The following ZNF148 variants were observed in gnomAD, a reference collection of about 807,000 sequenced individuals.
The protein encoded by ZNF148 is Beta-Enolase Repressor Factor-1.
In ZNF148, 7 loss-of-function variants were observed where a neutral mutation model predicts 67.7. That is an observed-to-expected ratio of 0.10 (90% confidence interval 0.06 to 0.19). The LOEUF is 0.19. Ranked by LOEUF, ZNF148 falls within the 10% of genes least tolerant of loss-of-function variation. The probability of loss-of-function intolerance (pLI) is 1.00; values close to 1 mark genes in which losing one functional copy is unlikely to be tolerated. For synonymous variants in ZNF148, 333 were observed against 330.7 expected, an observed-to-expected ratio of 1.01 and a Z score of -0.08; for missense variants, 583 against 947.1, an observed-to-expected ratio of 0.62 and a Z score of 5.05.
At chr3:125,242,174 T>A (rs138665343) in intron 7 of ZNF148, among the ~76,000 whole-genome samples, 2 of 152,358 alleles carry the variant, frequency 1.3e-5, no homozygotes, top group East Asian at 1.9e-4. Flanking sequence ...TGTTTGCTAG[T>A]AGAGATTTTC....
intron 7 of ZNF148, among the ~76,000 whole-genome samples, chr3:125,264,121 C>T (rs185029885): frequency 1.3e-5 from 2 of 152,366 alleles, no homozygotes; most frequent in Admixed American, 6.5e-5. Context: ...GTCCTGTGGA[C>T]CCTCTTCATC....
intron 2 of ZNF148, among the ~76,000 whole-genome samples, chr3:125,326,107 A>T (rs7609696): frequency 0.034 from 5,244 of 152,072 alleles, 290 homozygotes; most frequent in African/African-American, 0.12. Flanking sequence ...TATTGAGAAA[A>T]TTTTTTTTGC....
intron 2 of ZNF148, among the ~76,000 whole-genome samples, chr3:125,329,344 ATTTTACATATATAAAATTT>A (rs960671712): frequency 2.4e-4 from 3 of 12,652 alleles, no homozygotes; most frequent in African/African-American, 1.7e-3. Context: ...TATATATAAA[ATTTTACATATATAAAATTT>A]TTTTTTTTTT....
At chr3:125,286,268 AAAG>A (rs1336891167) in intron 5 of ZNF148, among the ~76,000 whole-genome samples, 3 of 152,206 alleles carry the variant, frequency 2.0e-5, no homozygotes, top group Non-Finnish European at 4.4e-5. Context: ...AGAGGGAAGA[AAAG>A]AAGAAGGGAG....
In ZNF148 at chr3:125,256,957, A is replaced by C. The variant is rs976216519; in HGVS notation, c.667+20769T>G. On this transcript the variant is annotated intron_variant, in intron 7 of 8. Coordinates refer to ENST00000360647, the MANE Select transcript of ZNF148 (RefSeq NM_021964.3). The stretch of plus-strand genomic sequence containing the variant: ...TATCAGTTATTATGTTTTCAGTTCC[A>C]GAACTTCCAGTTTTTTTTTTTTTTT... Among the ~76,000 whole-genome samples, 6 of 133,484 alleles carry C rather than the reference A, an allele frequency of 4.5e-5. No homozygotes were observed. The Admixed American group carries it at 4.8e-4, about 11-fold the overall frequency. The allele number at this position is 133,484 out of a possible 152,430, so 87.6% of individuals were successfully genotyped here.
At chr3:125,322,323 T>TG (rs950842788) in intron 3 of ZNF148, among the ~76,000 whole-genome samples, 2 of 151,982 alleles carry the variant, frequency 1.3e-5, no homozygotes, top group Admixed American at 1.3e-4. Flanking sequence ...CATTTTTTTT[T>TG]TTTTAATGAA....
chr3:125,241,943 T>C (rs1345133202), intron 7 of ZNF148, among the ~76,000 whole-genome samples: 2 of 152,210 alleles, frequency 1.3e-5, no homozygotes, highest in Admixed American at 6.5e-5. Context: ...ACATATCTAA[T>C]AGGTGAAAAA....
chr3:125,370,104 A>G (rs186628157), intron 1 of ZNF148, among the ~76,000 whole-genome samples: 30 of 149,018 alleles, frequency 2.0e-4, no homozygotes, highest in African/African-American at 7.1e-4. Context: ...GCCTGAGGTA[A>G]AAAAAAAAAA....
chr3:125,279,265 A>AAAAG lies in ZNF148; in HGVS notation c.460-19_460-18insCTTT. ...GTAAGGATCTAGTTCAAAAAAAAAAAGGCAAAAACAAAAGAAATAAGTTTT... is the reference window on the plus strand; with the variant it reads ...GTAAGGATCTAGTTCAAAAAAAAAAAAAAGGGCAAAAACAAAAGAAATAAGTTTT... On this transcript the variant is annotated intron_variant, in intron 5 of 8. Transcript: ENST00000360647. 1 of 1,511,330 alleles carries AAAAG rather than the reference A, an allele frequency of 6.6e-7. No individual in the cohort carries two copies. Among genetic ancestry groups the AAAAG allele is most frequent in the East Asian group, 2.3e-5 (1 of 43,278 alleles). 93.6% of individuals were successfully genotyped at this position (1,511,330 alleles called of 1,614,324 possible).
chr3:125,263,724 T>C lies in ZNF148; in HGVS notation c.667+14002A>G, dbSNP rs550312756. Among the ~76,000 whole-genome samples, 3 of 152,210 alleles carry C rather than the reference T, an allele frequency of 2.0e-5. No individual in the cohort carries two copies. In the South Asian group the frequency reaches 6.2e-4, roughly 32 times the overall value. ...CCTAAAATCCTTTCAATTTCCTGAG[T>C]GATAGCAGTGTCTTTTATTCCTGAC... On this transcript the variant is annotated intron_variant, in intron 7 of 8. Transcript: ENST00000360647.
chr3:125,290,246 C>A (rs1394334427), intron 4 of ZNF148, among the ~76,000 whole-genome samples: 2 of 152,174 alleles, frequency 1.3e-5, no homozygotes, highest in African/African-American at 2.4e-5. Context: ...CAGGTTAAGA[C>A]AGAAGTAGAG....
intron 1 of ZNF148, among the ~76,000 whole-genome samples, chr3:125,358,037 C>T (rs1478045894): frequency 3.3e-5 from 5 of 152,182 alleles, no homozygotes; most frequent in Admixed American, 1.3e-4. Context: ...ATCGGACCGG[C>T]GCGGGGACTC....
chr3:125,358,401 A>G (rs775595145), intron 1 of ZNF148, among the ~76,000 whole-genome samples: 5 of 152,330 alleles, frequency 3.3e-5, no homozygotes, highest in Non-Finnish European at 7.4e-5. Flanking sequence ...CAACTTTTAT[A>G]ATTTTTTATC....
intron 2 of ZNF148, among the ~76,000 whole-genome samples, chr3:125,329,083 G>A (rs1941155913): frequency 2.0e-5 from 3 of 150,710 alleles, no homozygotes; most frequent in South Asian, 4.2e-4. Flanking sequence ...GGGAAGGGTT[G>A]GAAAGCCTTT....
At chr3:125,318,288 T>C (rs761199116) in intron 3 of ZNF148, among the ~76,000 whole-genome samples, 1 of 152,110 alleles carries the variant, frequency 6.6e-6, no homozygotes. Context: ...ATCAGCCAAG[T>C]GTAAAGAAAG....
chr3:125,251,392 G>A (rs1260056504), intron 7 of ZNF148, among the ~76,000 whole-genome samples: 2 of 152,182 alleles, frequency 1.3e-5, no homozygotes, highest in African/African-American at 4.8e-5. Flanking sequence ...TAGATGTACA[G>A]AAAAGTATAC....
chr3:125,344,734 CT>C, intron 1 of ZNF148: 3 of 558,274 alleles, frequency 5.4e-6, no homozygotes, highest in Non-Finnish European at 3.3e-6. Context: ...TTCCATTATG[CT>C]TTTTTAATAT....
intron 4 of ZNF148, 121 bp downstream of exon 4, chr3:125,313,187 T>TA (rs1179427286): frequency 1.5e-5 from 10 of 656,222 alleles, no homozygotes; most frequent in Middle Eastern, 8.4e-4. Flanking sequence ...TATTTTAGTA[T>TA]ATCTATTCAA....
intron 1 of ZNF148, chr3:125,357,385 C>T (rs1346817272): frequency 1.3e-5 from 2 of 152,702 alleles, no homozygotes; most frequent in Non-Finnish European, 2.9e-5. Flanking sequence ...CATACAGGCA[C>T]ACTCGCGCGG....
Sources: allele counts gnomAD v4.1 joint callset (sites outside exome capture counted in the v4.1 genomes callset), GRCh38; gene constraint gnomAD v4.1.1; transcripts MANE v1.5; gene names NCBI Gene and HGNC (gene_info 2026-07-23, HGNC 2026-07-21).